RDX: variants seen among roughly 807,000 people sequenced by gnomAD.
RDX encodes the protein deafness, autosomal recessive 24.
Under a neutral mutation model 83.7 loss-of-function variants are expected in RDX, and 32 were observed. The observed-to-expected ratio is 0.38, with a 90% CI of 0.29 to 0.51. RDX has a LOEUF of 0.51. Ranked by LOEUF, RDX falls within the 20% of genes least tolerant of loss-of-function variation. The probability of loss-of-function intolerance (pLI) is 0.87; values close to 1 mark genes in which losing one functional copy is unlikely to be tolerated. For missense variants in RDX, 600 were observed against 689.9 expected (o/e 0.87, Z 1.46); for synonymous variants, 229 against 222.7 (o/e 1.03, Z -0.25).
intron 14 of RDX, among the ~76,000 whole-genome samples, chr11:110,206,216 C>T (rs1863596292): frequency 7.4e-6 from 1 of 134,912 alleles, no homozygotes; most frequent in South Asian, 2.4e-4. Context: ...AAGATCATGC[C>T]ATTGCACCCC....
intron 15 of RDX, among the ~76,000 whole-genome samples, chr11:110,199,082 T>C (rs1863307255): frequency 6.6e-6 from 1 of 152,178 alleles, no homozygotes; most frequent in Non-Finnish European, 1.5e-5. Flanking sequence ...CTGAAAGTGC[T>C]GGGATTATAG....
intron 1 of RDX, among the ~76,000 whole-genome samples, chr11:110,280,854 T>C (rs1208793727): frequency 3.3e-5 from 5 of 150,176 alleles, no homozygotes; most frequent in African/African-American, 9.8e-5. Context: ...AAAAATGTTA[T>C]TGATTGCTGT....
chr11:110,196,340 G>A (rs1411339747), intron 15 of RDX, among the ~76,000 whole-genome samples: 3 of 152,178 alleles, frequency 2.0e-5, no homozygotes, highest in Admixed American at 6.6e-5. Flanking sequence ...GAAGGGGAAT[G>A]GAATGCCAGT....
At chr11:110,208,033 C>T (rs1374194235) in intron 14 of RDX, among the ~76,000 whole-genome samples, 1 of 150,054 alleles carries the variant, frequency 6.7e-6, no homozygotes, top group Non-Finnish European at 1.5e-5. Flanking sequence ...ATTGCCCAGG[C>T]TGGTCTCAAA....
intron 15 of RDX, among the ~76,000 whole-genome samples, chr11:110,191,249 T>C (rs1241830923): frequency 1.3e-5 from 2 of 152,336 alleles, no homozygotes; most frequent in Admixed American, 6.5e-5. Flanking sequence ...GCTATATTAC[T>C]GGGATGCAAG....
At chr11:110,208,512 T>A (rs1019078753) in intron 14 of RDX, among the ~76,000 whole-genome samples, 6 of 152,246 alleles carry the variant, frequency 3.9e-5, no homozygotes, top group Non-Finnish European at 5.9e-5. Context: ...ACTGAGTTCC[T>A]GAATTATTTT....
At chr11:110,185,848 C>G (rs1183396355) in intron 15 of RDX, among the ~76,000 whole-genome samples, 1 of 152,152 alleles carries the variant, frequency 6.6e-6, no homozygotes, top group Non-Finnish European at 1.5e-5. Context: ...CTGCAGACAG[C>G]TCATTCCCCA....
At chr11:110,247,937 C>T (rs1859178557) in intron 9 of RDX, 104 bp from the exon 10 acceptor site, 2 of 1,326,430 alleles carry the variant, frequency 1.5e-6, no homozygotes, top group Middle Eastern at 2.6e-4. Flanking sequence ...ATGTCTTTTG[C>T]AGCAACTTGG....
At chr11:110,268,597 A>G (rs1046354324) in intron 3 of RDX, among the ~76,000 whole-genome samples, 2 of 152,184 alleles carry the variant, frequency 1.3e-5, no homozygotes, top group Admixed American at 6.5e-5. Flanking sequence ...ACTCTGTGAG[A>G]TTCACAATGG....
At chr11:110,262,137 T>C (rs765356597) in intron 5 of RDX, among the ~76,000 whole-genome samples, 2 of 152,180 alleles carry the variant, frequency 1.3e-5, no homozygotes, top group South Asian at 4.1e-4. Context: ...ATGAAGAATC[T>C]TAGGTTAGAA....
At chr11:110,179,048 AAATGGTGGAGCAC>A (rs1862830852) in intron 15 of RDX, among the ~76,000 whole-genome samples, 1 of 152,190 alleles carries the variant, frequency 6.6e-6, no homozygotes, top group African/African-American at 2.4e-5. Context: ...CATGGGTACC[AAATGGTGGAGCAC>A]AATTTTGAGG....
intron 14 of RDX, among the ~76,000 whole-genome samples, chr11:110,213,053 T>A (rs1029260980): frequency 1.1e-4 from 17 of 150,514 alleles, no homozygotes; most frequent in Non-Finnish European, 2.2e-4. Context: ...ATTGTCCCTG[T>A]TTGCAGACAA....
At chr11:110,247,578 T>C in intron 10 of RDX, 125 bp downstream of exon 10, 2 of 939,948 alleles carry the variant, frequency 2.1e-6, no homozygotes, top group East Asian at 2.5e-5. Context: ...TAAGTATTAA[T>C]TTGCCAATTA....
At chr11:110,223,359 T>C (rs192489905) in intron 14 of RDX, among the ~76,000 whole-genome samples, 7 of 149,830 alleles carry the variant, frequency 4.7e-5, no homozygotes, top group African/African-American at 1.5e-4. Context: ...TCTCAAAAAA[T>C]AATAATAAAA....
chr11:110,271,391 C>T (rs144740264), intron 3 of RDX, among the ~76,000 whole-genome samples: 2 of 152,094 alleles, frequency 1.3e-5, no homozygotes, highest in African/African-American at 2.4e-5. Flanking sequence ...AAAAAGTGTA[C>T]GTGAAGTTTA....
chr11:110,239,611 C>T (rs949673664), intron 10 of RDX, among the ~76,000 whole-genome samples: 1 of 151,954 alleles, frequency 6.6e-6, no homozygotes, highest in African/African-American at 2.4e-5. Context: ...AAATATAAAT[C>T]AAAACCACAA....
chr11:110,255,321 A>T lies in RDX; in HGVS notation c.763T>A (p.Phe255Ile). The T allele has an allele frequency of 1.3e-6, 2 of 1,591,676 alleles. No individual in the cohort carries two copies. Among genetic ancestry groups the T allele is most frequent in the South Asian group, 1.1e-5 (1 of 90,494 alleles). Residue 255 changes from phenylalanine to isoleucine, a missense_variant, in exon 8 of 14, where the codon TTT (phenylalanine) becomes ATT (isoleucine). Physicochemically the swap from Phe to Ile is conservative, Grantham distance 21. Coordinates refer to ENST00000645495, the MANE Select transcript of RDX (RefSeq NM_002906.4). ...TTTTTGTCGATTGGCTTTATAACAA[A>T]TTTTTTGTCATTAAATGAAATATTT... The part of the protein sequence containing the change: ...IRNISFNDKK[F>I]VIKPIDKKAP...
chr11:110,242,299 CA>C (rs1325592853), intron 10 of RDX, among the ~76,000 whole-genome samples: 1 of 151,560 alleles, frequency 6.6e-6, no homozygotes, highest in Non-Finnish European at 1.5e-5. Context: ...ATAAAAATAC[CA>C]AAATTAGCCA....
chr11:110,286,666 T>G (rs1276899272), intron 1 of RDX, among the ~76,000 whole-genome samples: 1 of 152,220 alleles, frequency 6.6e-6, no homozygotes, highest in Non-Finnish European at 1.5e-5. Flanking sequence ...CTTTTCGGAC[T>G]TAGAAATGAC....
Sources: allele counts gnomAD v4.1 joint callset (sites outside exome capture counted in the v4.1 genomes callset), GRCh38; gene constraint gnomAD v4.1.1; transcripts MANE v1.5; gene names NCBI Gene and HGNC (gene_info 2026-07-23, HGNC 2026-07-21).